CAPZA2: variants seen among roughly 807,000 people sequenced by gnomAD.
CAPZA2 encodes the protein capping actin protein of muscle Z-line subunit alpha 2, also known as F-actin-capping protein subunit alpha-2.
A neutral mutation model predicts 44.0 loss-of-function variants in CAPZA2; 13 were observed. That is an observed-to-expected ratio of 0.30 (90% CI 0.19 to 0.47). CAPZA2 has a LOEUF of 0.47. Among genes scored for constraint, CAPZA2 ranks in the 20% least tolerant of loss-of-function variants. CAPZA2 has a pLI of 1.00. For missense variants in CAPZA2, 244 were observed against 338.6 expected (o/e 0.72, Z 2.19); for synonymous variants, 94 against 108.2 (o/e 0.87, Z 0.81).
intron 5 of CAPZA2, among the ~76,000 whole-genome samples, chr7:116,905,675 T>C (rs12670056): frequency 0.23 from 35,054 of 152,132 alleles, 4,192 homozygotes; most frequent in East Asian, 0.4. Flanking sequence ...TAACGAGAGT[T>C]AAGGGAGTAC....
intron 4 of CAPZA2, among the ~76,000 whole-genome samples, chr7:116,900,317 C>G (rs951673737): frequency 1.3e-5 from 2 of 150,502 alleles, no homozygotes; most frequent in Non-Finnish European, 3.0e-5. Context: ...AACATGAGAA[C>G]TTGTAAAATT....
chr7:116,892,957 T>C (rs1486104680), intron 2 of CAPZA2, 37 bp from the exon 3 acceptor site: 10 of 1,435,722 alleles, frequency 7.0e-6, no homozygotes, highest in Non-Finnish European at 9.7e-6. Flanking sequence ...TTGAAACATA[T>C]AACAATAATA....
chr7:116,905,091 A>T (rs1791475496), intron 5 of CAPZA2, among the ~76,000 whole-genome samples: 1 of 149,892 alleles, frequency 6.7e-6, no homozygotes, highest in African/African-American at 2.5e-5. Context: ...GTGAGCCGAG[A>T]TTGCGCCACT....
intron 4 of CAPZA2, among the ~76,000 whole-genome samples, chr7:116,902,886 A>AT (rs1562962258): frequency 6.6e-6 from 1 of 151,940 alleles, no homozygotes; most frequent in Non-Finnish European, 1.5e-5. Flanking sequence ...ATTTTAAAAA[A>AT]TTTTTTTGTA....
chr7:116,883,138 C>A (rs751238578), intron 1 of CAPZA2, among the ~76,000 whole-genome samples: 4 of 152,114 alleles, frequency 2.6e-5, no homozygotes, highest in Non-Finnish European at 4.4e-5. Flanking sequence ...TCACTAGATT[C>A]TTTTTAAAAA....
At chr7:116,911,772 C>G (rs1791600879) in intron 7 of CAPZA2, among the ~76,000 whole-genome samples, 1 of 152,154 alleles carries the variant, frequency 6.6e-6, no homozygotes, top group Non-Finnish European at 1.5e-5. Context: ...ATTGTGAGCT[C>G]AGATTTGGAC....
chr7:116,883,066 A>C (rs930208214), intron 1 of CAPZA2, among the ~76,000 whole-genome samples: 2 of 152,234 alleles, frequency 1.3e-5, no homozygotes, highest in Non-Finnish European at 2.9e-5. Context: ...TAACATGTGG[A>C]GGAAGATGGT....
At chr7:116,898,225 A>G (rs1796951721) in intron 3 of CAPZA2, among the ~76,000 whole-genome samples, 1 of 150,472 alleles carries the variant, frequency 6.6e-6, no homozygotes, top group African/African-American at 2.4e-5. Context: ...AATTACCCCA[A>G]TTCTCTTCTC....
At chr7:116,898,862 T>C (rs1204666691) in intron 4 of CAPZA2, 27 bp downstream of exon 4, 13 of 1,358,988 alleles carry the variant, frequency 9.6e-6, no homozygotes, top group Admixed American at 5.4e-5. Flanking sequence ...CACTATTCTT[T>C]GTTTTGTTTA....
intron 4 of CAPZA2, among the ~76,000 whole-genome samples, chr7:116,899,687 A>G (rs1183145567): frequency 6.9e-6 from 1 of 143,954 alleles, no homozygotes; most frequent in Admixed American, 7.0e-5. Context: ...TTTCTTTACT[A>G]CTATAAATAA....
chr7:116,881,271 C>T (rs573936232), intron 1 of CAPZA2, among the ~76,000 whole-genome samples: 2 of 152,124 alleles, frequency 1.3e-5, no homozygotes, highest in East Asian at 1.9e-4. Flanking sequence ...AGCCCTATCG[C>T]ACATCAGACA....
intron 1 of CAPZA2, among the ~76,000 whole-genome samples, chr7:116,876,605 T>C (rs1362620379): frequency 6.6e-6 from 1 of 152,230 alleles, no homozygotes; most frequent in Non-Finnish European, 1.5e-5. Flanking sequence ...AATTCCTTGC[T>C]TCCTGTGTGC....
intron 1 of CAPZA2, among the ~76,000 whole-genome samples, chr7:116,863,376 C>T (rs1018008189): frequency 2.0e-5 from 3 of 151,988 alleles, no homozygotes; most frequent in African/African-American, 7.2e-5. Flanking sequence ...TGGCAGCAGC[C>T]CCCCCCCGGG....
intron 6 of CAPZA2, among the ~76,000 whole-genome samples, chr7:116,907,716 A>G (rs1791535820): frequency 6.6e-6 from 1 of 152,146 alleles, no homozygotes; most frequent in African/African-American, 2.4e-5. Context: ...CCAGGGCTCA[A>G]GTGATCCTCC....
rs202010685 is a variant in CAPZA2, at chr7:116,884,743, T to C, written c.40-3384T>C. On this transcript the variant is annotated intron_variant, in intron 1 of 9. Coordinates refer to ENST00000361183, the MANE Select transcript of CAPZA2 (RefSeq NM_006136.3). ...ATAAGTTTTTATATGAAAATAAGTT[T>C]GCATTTCTGAAGGGTAGATACCTAG... Among the ~76,000 whole-genome samples, 26 of 152,326 alleles carry C rather than the reference T, an allele frequency of 1.7e-4. No homozygotes were observed. In the East Asian group the frequency reaches 4.8e-3, roughly 28 times the overall value.
chr7:116,899,140 T>C (rs1318903503), intron 4 of CAPZA2, among the ~76,000 whole-genome samples: 1 of 152,038 alleles, frequency 6.6e-6, no homozygotes, highest in East Asian at 1.9e-4. Context: ...GTCTAGAATA[T>C]ATGTGTAGTA....
At chr7:116,863,536 A>G (rs1166875493) in intron 1 of CAPZA2, among the ~76,000 whole-genome samples, 1 of 152,270 alleles carries the variant, frequency 6.6e-6, no homozygotes, top group Non-Finnish European at 1.5e-5. Context: ...GAGTAATGGA[A>G]TAATTCATTG....
At chr7:116,898,883 G>C (rs752297522) in intron 4 of CAPZA2, 48 bp downstream of exon 4, 1 of 1,148,310 alleles carries the variant, frequency 8.7e-7, no homozygotes, top group Non-Finnish European at 1.3e-6. Context: ...TAACCGTTAA[G>C]GTATCCTGCA....
In CAPZA2 at chr7:116,867,582, C is replaced by CT. The variant is rs67944722; in HGVS notation, c.39+4951dup. 7.8e-3 allele frequency among the ~76,000 whole-genome samples: 894 copies of CT among 114,774 alleles called. 10 individuals carry two copies. Among genetic ancestry groups the CT allele is most frequent in the African/African-American group, 0.016 (525 of 31,888 alleles). The allele number at this position is 114,774 out of a possible 152,430, so 75.3% of individuals were successfully genotyped here. ...GCTGCATACTAGTCCATTTCTCTCT[C>CT]TTTTTTTTTTTTTTTTTTTGAGACA... On this transcript the variant is annotated intron_variant, in intron 1 of 9. Transcript: ENST00000361183.
Sources: gnomAD v4.1 joint callset for allele counts (sites outside exome capture counted in the v4.1 genomes callset) on GRCh38, gnomAD v4.1.1 for gene constraint, MANE v1.5 for transcripts, NCBI Gene and HGNC (gene_info 2026-07-23, HGNC 2026-07-21) for gene names.